USP12: variants seen among roughly 807,000 people sequenced by gnomAD.
The protein encoded by USP12 is ubiquitin carboxyl-terminal hydrolase 12.
USP12 carries 19 observed loss-of-function variants against 45.5 expected under a neutral mutation model. The observed-to-expected ratio is 0.42, with a 90% CI of 0.29 to 0.61. USP12 has a LOEUF of 0.61. Among genes scored for constraint, USP12 ranks in the 20% least tolerant of loss-of-function variants. The probability of loss-of-function intolerance (pLI) is 0.22; values close to 1 mark genes in which losing one functional copy is unlikely to be tolerated. For missense variants in USP12, 242 were observed against 447.7 expected (o/e 0.54, Z 4.15); for synonymous variants, 149 against 148.8 (o/e 1.00, Z -0.01).
rs370187408 is a variant in USP12, at chr13:27,113,583, T to A, written c.129+2933A>T. Among the ~76,000 whole-genome samples the A allele has an allele frequency of 2.0e-5, 3 of 152,214 alleles. No individual in the cohort carries two copies. The East Asian group carries it at 5.8e-4, about 29-fold the overall frequency. ...TTTTCATACTCCAATGGACGTCAGTTCCTCACCCTATGTTCTTACTCCACT... is the reference window on the plus strand; with the variant it reads ...TTTTCATACTCCAATGGACGTCAGTACCTCACCCTATGTTCTTACTCCACT... On this transcript the variant is annotated intron_variant, in intron 2 of 8. Transcript: ENST00000282344.
chr13:27,170,398 T>A (rs547020586), intron 1 of USP12: 1 of 398,498 alleles, frequency 2.5e-6, no homozygotes, highest in Non-Finnish European at 4.4e-6. Context: ...CTATATGAAA[T>A]CAGTTGCATA....
chr13:27,143,414 GAA>G (rs1877161900), intron 1 of USP12, among the ~76,000 whole-genome samples: 1 of 151,998 alleles, frequency 6.6e-6, no homozygotes, highest in South Asian at 2.1e-4. Context: ...TAGTTAATGA[GAA>G]AAAGTTCTTC....
rs113766508 is a variant in USP12 at position 27,167,824 on chromosome 13, C to G, written c.48+3768G>C. 3.9e-3 allele frequency among the ~76,000 whole-genome samples: 592 copies of G among 152,226 alleles called. 1 individual carries two copies. Among genetic ancestry groups the G allele is most frequent in the Non-Finnish European group, 6.5e-3 (442 of 68,000 alleles). On this transcript the variant is annotated intron_variant, in intron 1 of 8. Coordinates refer to ENST00000282344, the MANE Select transcript of USP12 (RefSeq NM_182488.4). ...ACACATTCCCAACAACGCATGGGCTCTGAGGTTTGCCCCAGCTTTCCTTTT... is the reference window on the plus strand; with the variant it reads ...ACACATTCCCAACAACGCATGGGCTGTGAGGTTTGCCCCAGCTTTCCTTTT...
chr13:27,147,772 A>T (rs895792249), intron 1 of USP12, among the ~76,000 whole-genome samples: 9 of 152,130 alleles, frequency 5.9e-5, no homozygotes, highest in African/African-American at 9.7e-5. Flanking sequence ...GAAAAAAAAA[A>T]TTTTAAAAAA....
chr13:27,127,539 GAA>G (rs929568378), intron 1 of USP12, among the ~76,000 whole-genome samples: 8 of 152,144 alleles, frequency 5.3e-5, no homozygotes, highest in African/African-American at 1.9e-4. Context: ...ATTGCAGGAA[GAA>G]AGAGAAACAA....
intron 1 of USP12, among the ~76,000 whole-genome samples, chr13:27,142,062 C>A (rs1203105095): frequency 6.6e-6 from 1 of 152,102 alleles, no homozygotes; most frequent in Admixed American, 6.5e-5. Flanking sequence ...GCAGAGGGTG[C>A]ACTGAGCTGA....
intron 2 of USP12, among the ~76,000 whole-genome samples, chr13:27,113,189 G>A (rs1369998017): frequency 6.6e-6 from 1 of 150,936 alleles, no homozygotes; most frequent in African/African-American, 2.5e-5. Context: ...AGCCAGGGAG[G>A]CGAAACTGCA....
intron 7 of USP12, among the ~76,000 whole-genome samples, chr13:27,072,003 T>C (rs1873264319): frequency 1.3e-5 from 2 of 152,202 alleles, no homozygotes; most frequent in Non-Finnish European, 2.9e-5. Flanking sequence ...AGTGACCAGA[T>C]ATTAGAATAA....
chr13:27,121,407 T>A lies in USP12; in HGVS notation c.49-4811A>T, dbSNP rs564315654. Among the ~76,000 whole-genome samples, 24 of 151,798 alleles carry A rather than the reference T, an allele frequency of 1.6e-4. No individual in the cohort carries two copies. The South Asian group carries it at 5.0e-3, about 32-fold the overall frequency. On this transcript the variant is annotated intron_variant, in intron 1 of 8. Transcript: ENST00000282344. ...CTCCACAAAAGGCAGAATTACAAATTCGCTCTGGAATGAGACAAATTCAAT... is the reference window on the plus strand; with the variant it reads ...CTCCACAAAAGGCAGAATTACAAATACGCTCTGGAATGAGACAAATTCAAT...
chr13:27,081,009 A>ATTT lies in USP12; in HGVS notation c.735-5624_735-5622dup, dbSNP rs372527345. Among the ~76,000 whole-genome samples, 432 of 114,472 alleles carry ATTT rather than the reference A, an allele frequency of 3.8e-3. 13 individuals are homozygous for ATTT. The highest frequency in any genetic ancestry group is 6.2e-3 in the African/African-American group (186 of 30,064). 75.1% of individuals were successfully genotyped at this position (114,472 alleles called of 152,430 possible). A position where few individuals can be genotyped will look rare whatever the true frequency, so the allele number is the denominator to read the frequency against. ...GCTGAAGGTCGGGGTGGCTGAGGCA[A>ATTT]TTTTTTTTTTTTTTTTTTTTTTGAG... On this transcript the variant is annotated intron_variant, in intron 6 of 8. Coordinates refer to ENST00000282344, the MANE Select transcript of USP12 (RefSeq NM_182488.4).
At chr13:27,097,008 G>A (rs895860925) in intron 3 of USP12, among the ~76,000 whole-genome samples, 2 of 151,870 alleles carry the variant, frequency 1.3e-5, no homozygotes, top group Admixed American at 6.6e-5. Flanking sequence ...TTTAAAAAAA[G>A]TGAAACCTGA....
chr13:27,072,440 G>A (rs149777414), intron 7 of USP12, among the ~76,000 whole-genome samples: 1 of 151,926 alleles, frequency 6.6e-6, no homozygotes, highest in East Asian at 1.9e-4. Context: ...GAGATGAAGG[G>A]CTGAACTTCC....
intron 6 of USP12, among the ~76,000 whole-genome samples, chr13:27,076,029 CAA>C (rs11458818): frequency 5.1e-5 from 5 of 98,032 alleles, no homozygotes; most frequent in Non-Finnish European, 2.0e-5. Context: ...GGCTCCGTCT[CAA>C]AAAAAAAAAA....
intron 1 of USP12, among the ~76,000 whole-genome samples, chr13:27,132,803 G>A (rs1051331721): frequency 5.3e-5 from 8 of 152,114 alleles, no homozygotes; most frequent in Non-Finnish European, 8.8e-5. Context: ...CCACTCTCAC[G>A]CACTCCTCAG....
At chr13:27,074,838 G>A (rs1192913856) in intron 7 of USP12, among the ~76,000 whole-genome samples, 1 of 152,074 alleles carries the variant, frequency 6.6e-6, no homozygotes, top group Non-Finnish European at 1.5e-5. Flanking sequence ...TACAACCATT[G>A]ATATGCTGAA....
At chr13:27,089,766 A>T in intron 6 of USP12, 117 bp downstream of exon 6, 2 of 925,656 alleles carry the variant, frequency 2.2e-6, no homozygotes, top group Non-Finnish European at 3.3e-6. Context: ...ACTGTTAGTG[A>T]TAGAATTAAG....
intron 3 of USP12, 72 bp from the exon 4 acceptor site, chr13:27,095,902 G>T: frequency 8.9e-7 from 1 of 1,125,576 alleles, no homozygotes; most frequent in Non-Finnish European, 1.2e-6. Flanking sequence ...ATTTATAAAA[G>T]AATATCTAGT....
At chr13:27,100,603 C>T (rs370282124) in intron 3 of USP12, among the ~76,000 whole-genome samples, 4 of 152,280 alleles carry the variant, frequency 2.6e-5, no homozygotes, top group East Asian at 1.9e-4. Flanking sequence ...AGCTTCCTGA[C>T]GTGCATGCAC....
intron 1 of USP12, among the ~76,000 whole-genome samples, chr13:27,148,277 C>A (rs1009728281): frequency 5.9e-5 from 9 of 152,006 alleles, no homozygotes; most frequent in Admixed American, 5.9e-4. Context: ...AAAAAACATA[C>A]AAGAGTACCT....
Sources: allele counts gnomAD v4.1 joint callset (sites outside exome capture counted in the v4.1 genomes callset), GRCh38; gene constraint gnomAD v4.1.1; transcripts MANE v1.5; gene names NCBI Gene and HGNC (gene_info 2026-07-23, HGNC 2026-07-21).